UBN2: variants seen among roughly 807,000 people sequenced by gnomAD.
UBN2 encodes the protein ubinuclein-2.
UBN2 carries 35 observed loss-of-function variants against 120.2 expected under a neutral mutation model. That is an observed-to-expected ratio of 0.29 (90% CI 0.22 to 0.39). The LOEUF (loss-of-function observed/expected upper bound fraction) is 0.39, where lower values mean the gene tolerates loss of function less well. UBN2 is among the 10% of genes least tolerant of loss of function. The pLI is 1.00. For synonymous variants in UBN2, 661 were observed against 648.7 expected (o/e 1.02, Z -0.29); for missense variants, 1,693 against 1,663.2 (o/e 1.02, Z -0.31).
chr7:139,299,434 C>T lies in UBN2; in HGVS notation c.*1598C>T, dbSNP rs1038401249. ...CTTTTATACACAAAAGTCCCAGATA[C>T]CCTACAGGACTGTGAATAAATAACC... On this transcript the variant is annotated 3_prime_UTR_variant, in exon 18 of 18. Transcript: ENST00000473989. The T allele has an allele frequency of 1.3e-5, 2 of 152,088 alleles. No individual in the cohort carries two copies. Among genetic ancestry groups the T allele is most frequent in the African/African-American group, 4.8e-5 (2 of 41,424 alleles). The allele number at this position is 152,088 out of a possible 1,614,324, so 9.4% of individuals were successfully genotyped here. A position where few individuals can be genotyped will look rare whatever the true frequency, so the allele number is the denominator to read the frequency against.
At chr7:139,251,724 G>GAGA (rs1442248818) in intron 2 of UBN2, among the ~76,000 whole-genome samples, 1 of 152,234 alleles carries the variant, frequency 6.6e-6, no homozygotes, top group Non-Finnish European at 1.5e-5. Flanking sequence ...TAGTCACCTA[G>GAGA]AGAGGTAGTG....
chr7:139,317,174 T>G, the UBN2 span, among the ~76,000 whole-genome samples: 1 of 152,082 alleles, frequency 6.6e-6, no homozygotes, highest in African/African-American at 2.4e-5. Flanking sequence ...GCGGTCTTTT[T>G]ATCATTAATC....
At chr7:139,276,034 AAAAC>A in intron 11 of UBN2, 59 bp from the exon 12 acceptor site, 1 of 1,323,694 alleles carries the variant, frequency 7.6e-7, no homozygotes, top group Non-Finnish European at 1.0e-6. Flanking sequence ...TTTAAAAAAT[AAAAC>A]AATTATGTTA....
intron 1 of UBN2, among the ~76,000 whole-genome samples, chr7:139,233,077 G>C (rs1464712554): frequency 6.6e-6 from 1 of 152,182 alleles, no homozygotes; most frequent in African/African-American, 2.4e-5. Flanking sequence ...TGGTCAAAAT[G>C]ACTGACTGCT....
intron 6 of UBN2, among the ~76,000 whole-genome samples, chr7:139,264,092 C>T (rs1368403090): frequency 6.6e-6 from 1 of 152,102 alleles, no homozygotes; most frequent in Non-Finnish European, 1.5e-5. Context: ...AAAAATAGTA[C>T]TAATTTATTA....
At position 139,297,936 on chromosome 7, in the gene UBN2, G is replaced by GA; in HGVS notation, c.*100_*101insA. ...TCATAGGGCTGCTGTTTCTGTCGAT[G>GA]TTTACATTCTCTCGTCCCAAGCACT... On this transcript the variant is annotated 3_prime_UTR_variant, in exon 18 of 18. Transcript: ENST00000473989. 7.6e-7 allele frequency: 1 copy of GA among 1,312,644 alleles called. No homozygotes were observed. Among genetic ancestry groups the GA allele is most frequent in the Non-Finnish European group, 1.1e-6 (1 of 914,548 alleles). 81.3% of individuals were successfully genotyped at this position (1,312,644 alleles called of 1,614,324 possible).
intron 2 of UBN2, among the ~76,000 whole-genome samples, chr7:139,251,226 A>G (rs146111105): frequency 0.012 from 1,753 of 152,308 alleles, 41 homozygotes; most frequent in African/African-American, 0.04. Context: ...AGTTTACAGG[A>G]AAGTTGCAAA....
rs1205633764 is a variant in UBN2, at chr7:139,298,799, TCTC to T, written c.*966_*968del. 2.0e-5 allele frequency: 3 copies of T among 152,150 alleles called. No individual in the cohort carries two copies. Among genetic ancestry groups the T allele is most frequent in the Non-Finnish European group, 4.4e-5 (3 of 68,032 alleles). 9.4% of individuals were successfully genotyped at this position (152,150 alleles called of 1,614,324 possible). ...CCCCAGTTCATCTAACTTCACAACT[TCTC>T]CTTCTGTTCTTTTAGCTAGTGGTCC... On this transcript the variant is annotated 3_prime_UTR_variant, in exon 18 of 18. Transcript: ENST00000473989.
Position 139,301,604 on chromosome 7 carries a change from A to T in UBN2, c.*3768A>T, listed in dbSNP as rs1422331222. 2.6e-5 allele frequency: 4 copies of T among 151,880 alleles called. No individual in the cohort carries two copies. The highest frequency in any genetic ancestry group is 9.7e-5 in the African/African-American group (4 of 41,332). 9.4% of individuals were successfully genotyped at this position (151,880 alleles called of 1,614,324 possible). A position where few individuals can be genotyped will look rare whatever the true frequency, so the allele number is the denominator to read the frequency against. On this transcript the variant is annotated 3_prime_UTR_variant, in exon 18 of 18. Transcript: ENST00000473989. Reference sequence around the variant, plus strand: ...AGTTTGACTCATGTATAGAATTAGGATACTTTATTTTAGGAGTGTACCGTA... The same window carrying T: ...AGTTTGACTCATGTATAGAATTAGGTTACTTTATTTTAGGAGTGTACCGTA...
chr7:139,304,837 T>TTC lies in UBN2; in HGVS notation c.*7002_*7003dup, dbSNP rs1798331532. 1 of 152,122 alleles carries TTC rather than the reference T, an allele frequency of 6.6e-6. No homozygotes were observed. The highest frequency in any genetic ancestry group is 2.4e-5 in the African/African-American group (1 of 41,430). The allele number at this position is 152,122 out of a possible 1,614,324, so 9.4% of individuals were successfully genotyped here. ...GCAGATAAACATACTCCTTTTTTTTTTCACATGTCCCTGTCTTTTCCATTC... is the reference window on the plus strand; with the variant it reads ...GCAGATAAACATACTCCTTTTTTTTTTCTCACATGTCCCTGTCTTTTCCATTC... On this transcript the variant is annotated 3_prime_UTR_variant, in exon 18 of 18. Coordinates refer to ENST00000473989, the MANE Select transcript of UBN2 (RefSeq NM_173569.4).
At chr7:139,273,716 A>T (rs996293552) in intron 10 of UBN2, among the ~76,000 whole-genome samples, 3 of 152,204 alleles carry the variant, frequency 2.0e-5, no homozygotes, top group Non-Finnish European at 1.5e-5. Flanking sequence ...GTATTTCTAT[A>T]CCCCAAGTAG....
In UBN2 at chr7:139,252,075, A is replaced by C. The variant is rs1584995456; in HGVS notation, c.663+18A>C. On this transcript the variant is annotated intron_variant, in intron 3 of 17. Coordinates refer to ENST00000473989, the MANE Select transcript of UBN2 (RefSeq NM_173569.4). Reference sequence around the variant, plus strand: ...CAGAGGCTGTGAGTAATGTATCTTTAATATAGCAGCAAATTCATTGTTTGT... The same window carrying C: ...CAGAGGCTGTGAGTAATGTATCTTTCATATAGCAGCAAATTCATTGTTTGT... 2.5e-6 allele frequency: 4 copies of C among 1,597,280 alleles called. No individual in the cohort carries two copies. The highest frequency in any genetic ancestry group is 3.4e-6 in the Non-Finnish European group (4 of 1,164,838).
In UBN2 at chr7:139,261,713, T is replaced by C. The variant is rs1215821282; in HGVS notation, c.1367T>C (p.Leu456Pro). ...PTLPEGLPVL[L>P]EKRIEDLRVA... ...CTCCCAGAGGGTCTACCTGTACTTC[T>C]TGAAAAACGTATCGAAGACCTTCGT... is the stretch of plus-strand genomic sequence containing the variant. The change falls in exon 6 of 18, where the codon CTT (leucine) becomes CCT (proline). Residue 456 changes from leucine (L) to proline (P), a missense_variant. Leu to Pro is a moderately conservative substitution (Grantham distance 98). Coordinates refer to ENST00000473989, the MANE Select transcript of UBN2 (RefSeq NM_173569.4). 6.2e-7 allele frequency: 1 copy of C among 1,612,210 alleles called. No homozygotes were observed. Among genetic ancestry groups the C allele is most frequent in the African/African-American group, 1.3e-5 (1 of 74,880 alleles).
At chr7:139,235,889 G>A (rs1175527153) in intron 1 of UBN2, among the ~76,000 whole-genome samples, 3 of 152,062 alleles carry the variant, frequency 2.0e-5, no homozygotes, top group Non-Finnish European at 2.9e-5. Flanking sequence ...TTTTTAGACC[G>A]ATCATGTCTC....
chr7:139,321,628 C>A, the UBN2 span, among the ~76,000 whole-genome samples: 1,401 of 152,038 alleles, frequency 9.2e-3, 14 homozygotes, highest in East Asian at 0.06. Context: ...TGGGCAGGTA[C>A]CCTAGTGTCC....
Position 139,273,330 on chromosome 7 carries a change from A to G in UBN2, c.1749A>G (p.Gly583=). ...CAGATGAAGAACGAGAAAAAAATGGATCTGAAGAGGATGATGATGAGAAAC... is the reference window on the plus strand; with the variant it reads ...CAGATGAAGAACGAGAAAAAAATGGGTCTGAAGAGGATGATGATGAGAAAC... ...LQTDEEREKN[G]SEEDDDEKPG... is the part of the protein sequence containing the mutation. The change falls in exon 10 of 18, where the codon GGA becomes GGG. Residue 583 remains glycine (G), a synonymous_variant. Transcript: ENST00000473989. 3.1e-6 allele frequency: 5 copies of G among 1,609,012 alleles called. No homozygotes were observed. The South Asian group carries it at 5.5e-5, about 18-fold the overall frequency.
At chr7:139,276,491 G>A in intron 12 of UBN2, 1 of 315,582 alleles carries the variant, frequency 3.2e-6, no homozygotes, top group South Asian at 3.3e-5. Context: ...TCTGTGTCCT[G>A]AGTTTACCAG....
At chr7:139,239,251 G>A (rs1471462121) in intron 2 of UBN2, among the ~76,000 whole-genome samples, 1 of 151,968 alleles carries the variant, frequency 6.6e-6, no homozygotes, top group Admixed American at 6.6e-5. Context: ...ATTTGGGGGG[G>A]TCATATCAGG....
At position 139,237,026 on chromosome 7, in the gene UBN2, G is replaced by T. The variant is rs1796182138; in HGVS notation, c.490G>T (p.Asp164Tyr). ...EQRKKLIHTE[D>Y]PFNDEHQERQ... ...TCAGAAGAAGCTCATTCACACAGAAGACCCATTTAATGATGAACATCAGGA... is the reference window on the plus strand; with the variant it reads ...TCAGAAGAAGCTCATTCACACAGAATACCCATTTAATGATGAACATCAGGA... Residue 164 changes from aspartate (D) to tyrosine (Y), a missense_variant, in exon 2 of 18, where the codon GAC becomes TAC. Physicochemically the swap from Asp to Tyr is radical, Grantham distance 160. Around this residue, in one of 5 missense-constraint regions of UBN2, gnomAD observed 663 missense variants for 591.2 expected, o/e 1.12. Coordinates refer to ENST00000473989, the MANE Select transcript of UBN2 (RefSeq NM_173569.4). 1.2e-6 allele frequency: 2 copies of T among 1,610,238 alleles called. No homozygotes were observed. The highest frequency in any genetic ancestry group is 1.1e-5 in the South Asian group (1 of 90,850).
Sources: allele counts gnomAD v4.1 joint callset (sites outside exome capture counted in the v4.1 genomes callset), GRCh38; gene constraint gnomAD v4.1.1; regional missense constraint gnomAD v4.1.1; transcripts MANE v1.5; gene names NCBI Gene and HGNC (gene_info 2026-07-23, HGNC 2026-07-21).